The following OPCML variants were observed in gnomAD, a reference collection of about 807,000 sequenced individuals.
OPCML encodes the protein opioid binding protein/cell adhesion molecule like, also known as opioid-binding protein/cell adhesion molecule.
A neutral mutation model predicts 37.8 loss-of-function variants in OPCML; 13 were observed. That is an observed-to-expected ratio of 0.34 (90% CI 0.22 to 0.55). The LOEUF is 0.55. Among genes scored for constraint, OPCML ranks in the 20% least tolerant of loss-of-function variants. OPCML has a pLI of 0.91. For synonymous variants in OPCML, 176 were observed against 168.8 expected (o/e 1.04, Z -0.33); for missense variants, 341 against 435.6 (o/e 0.78, Z 1.93).
At chr11:133,071,503 T>A (rs576938457) in intron 1 of OPCML, among the ~76,000 whole-genome samples, 1 of 152,222 alleles carries the variant, frequency 6.6e-6, no homozygotes. Flanking sequence ...GTGCAAATTT[T>A]GTCAAAGGAA....
intron 2 of OPCML, among the ~76,000 whole-genome samples, chr11:132,849,800 A>G (rs1179142232): frequency 2.6e-5 from 4 of 152,192 alleles, no homozygotes; most frequent in Non-Finnish European, 4.4e-5. Flanking sequence ...CCAGCTGAGT[A>G]TGCCACATGT....
chr11:132,843,261 A>AT (rs1213253125), intron 2 of OPCML, among the ~76,000 whole-genome samples: 1 of 151,714 alleles, frequency 6.6e-6, no homozygotes, highest in Non-Finnish European at 1.5e-5. Context: ...TGCCCAGTTA[A>AT]TTTTTTTGTA....
At chr11:133,246,733 T>C (rs1218698557) in intron 1 of OPCML, among the ~76,000 whole-genome samples, 1 of 152,218 alleles carries the variant, frequency 6.6e-6, no homozygotes, top group African/African-American at 2.4e-5. Flanking sequence ...ACTATAAAAT[T>C]ATAATTGTGT....
chr11:132,678,291 G>A (rs550943223), intron 2 of OPCML, among the ~76,000 whole-genome samples: 7 of 152,268 alleles, frequency 4.6e-5, no homozygotes, highest in African/African-American at 1.2e-4. Flanking sequence ...CTTCATTGCC[G>A]GTAGGAATGC....
In OPCML at chr11:132,688,866, C is replaced by T. The variant is rs1347960169; in HGVS notation, c.147-31547G>A. Among the ~76,000 whole-genome samples the T allele has an allele frequency of 3.2e-4, 18 of 55,546 alleles. 7 individuals carry two copies. Among genetic ancestry groups the T allele is most frequent in the African/African-American group, 6.1e-4 (8 of 13,014 alleles). 36.4% of individuals were successfully genotyped at this position (55,546 alleles called of 152,430 possible). ...TCGGGAGGCTGAGGCAGGAGAATGG[C>T]GTGAACCCGGGAAGCGGAGCTTGCA... On this transcript the variant is annotated intron_variant, in intron 2 of 7. Transcript: ENST00000524381.
intron 2 of OPCML, among the ~76,000 whole-genome samples, chr11:132,809,863 A>T (rs1939227128): frequency 6.6e-6 from 1 of 151,614 alleles, no homozygotes; most frequent in Non-Finnish European, 1.5e-5. Flanking sequence ...TTTTATTTTT[A>T]TTTTTGAGAC....
chr11:132,942,844 G>A (rs1483388729), intron 2 of OPCML, 82 bp downstream of exon 2: 2 of 1,562,980 alleles, frequency 1.3e-6, no homozygotes, highest in Non-Finnish European at 1.7e-6. Flanking sequence ...GGTCCCCCAT[G>A]GAGCCTTCTG....
intron 1 of OPCML, among the ~76,000 whole-genome samples, chr11:133,272,405 T>A (rs1941870642): frequency 6.6e-6 from 1 of 152,136 alleles, no homozygotes; most frequent in Non-Finnish European, 1.5e-5. Context: ...TGCACTGCAA[T>A]AAGACCCACA....
intron 2 of OPCML, among the ~76,000 whole-genome samples, chr11:132,825,321 G>A (rs539697336): frequency 1.3e-5 from 2 of 152,092 alleles, no homozygotes; most frequent in East Asian, 1.9e-4. Context: ...GGCATCCATC[G>A]CCCAAATTGA....
rs2095935656 is a variant in OPCML, at chr11:132,415,516, A to G, written c.*4677T>C. 6.6e-6 allele frequency: 1 copy of G among 152,192 alleles called. No homozygotes were observed. Among genetic ancestry groups the G allele is most frequent in the African/African-American group, 2.4e-5 (1 of 41,450 alleles). 9.4% of individuals were successfully genotyped at this position (152,192 alleles called of 1,614,324 possible). On this transcript the variant is annotated 3_prime_UTR_variant, in exon 8 of 8. Coordinates refer to ENST00000524381, the MANE Select transcript of OPCML (RefSeq NM_001012393.5). The stretch of plus-strand genomic sequence containing the variant: ...TACTGATAGCTTTATAAATCTGCCA[A>G]ATAACATAGAATGTAGCCTCAAAAG...
At chr11:133,509,992 G>A (rs1391858595) in intron 1 of OPCML, among the ~76,000 whole-genome samples, 7 of 152,184 alleles carry the variant, frequency 4.6e-5, no homozygotes, top group Non-Finnish European at 8.8e-5. Context: ...TACTGGAAAA[G>A]TAGTGAGGCC....
At chr11:133,524,174 A>T (rs1395350404) in intron 1 of OPCML, among the ~76,000 whole-genome samples, 1 of 152,246 alleles carries the variant, frequency 6.6e-6, no homozygotes, top group Non-Finnish European at 1.5e-5. Context: ...ACTGTAGAGT[A>T]TTCAGAGATG....
intron 2 of OPCML, among the ~76,000 whole-genome samples, chr11:132,867,764 T>G (rs943922366): frequency 6.6e-6 from 1 of 152,212 alleles, no homozygotes; most frequent in African/African-American, 2.4e-5. Context: ...GCCCTAAGTG[T>G]AATGGTTCTT....
At chr11:133,282,681 G>T (rs1453781651) in intron 1 of OPCML, among the ~76,000 whole-genome samples, 1 of 152,182 alleles carries the variant, frequency 6.6e-6, no homozygotes, top group Non-Finnish European at 1.5e-5. Flanking sequence ...TGAGCAGCTT[G>T]CCTCTTGAGT....
At chr11:132,634,010 G>A (rs918775332) in intron 3 of OPCML, among the ~76,000 whole-genome samples, 5 of 152,140 alleles carry the variant, frequency 3.3e-5, no homozygotes, top group Admixed American at 3.3e-4. Flanking sequence ...AAAAGATGGG[G>A]GTAGCAGTTG....
intron 2 of OPCML, among the ~76,000 whole-genome samples, chr11:132,788,147 G>A (rs750883414): frequency 1.3e-5 from 2 of 152,236 alleles, no homozygotes; most frequent in Admixed American, 1.3e-4. Flanking sequence ...CCAAAGTGCT[G>A]GGATTGCAGG....
At chr11:132,791,242 C>T (rs1159310599) in intron 2 of OPCML, among the ~76,000 whole-genome samples, 3 of 152,116 alleles carry the variant, frequency 2.0e-5, no homozygotes, top group Non-Finnish European at 2.9e-5. Flanking sequence ...TTCTTTTGGC[C>T]ACTTCACCTG....
chr11:132,572,628 T>A (rs1020096930), intron 3 of OPCML, among the ~76,000 whole-genome samples: 59 of 152,270 alleles, frequency 3.9e-4, no homozygotes, highest in Admixed American at 3.4e-3. Context: ...TAAATGCCAG[T>A]ACCATACAGT....
chr11:133,017,458 C>T (rs185912254), intron 1 of OPCML, among the ~76,000 whole-genome samples: 27 of 151,848 alleles, frequency 1.8e-4, no homozygotes, highest in Admixed American at 5.2e-4. Flanking sequence ...AGTGCAATAG[C>T]GCAATCTTGG....
Sources: gnomAD v4.1 joint callset for allele counts (sites outside exome capture counted in the v4.1 genomes callset) on GRCh38, gnomAD v4.1.1 for gene constraint, MANE v1.5 for transcripts, NCBI Gene and HGNC (gene_info 2026-07-23, HGNC 2026-07-21) for gene names.